Variants in SPTLC3 observed in about 807,000 individuals in gnomAD.
SPTLC3 encodes serine palmitoyltransferase long chain base subunit 3, also known as serine palmitoyltransferase 3.
Under a neutral mutation model 59.3 loss-of-function variants are expected in SPTLC3, and 36 were observed. The observed-to-expected ratio is 0.61, with a 90% confidence interval of 0.47 to 0.80. SPTLC3 has a LOEUF of 0.80. Among genes scored for constraint, SPTLC3 ranks in the 30% least tolerant of loss-of-function variants. The pLI, the probability that SPTLC3 is intolerant of heterozygous loss-of-function variation, is 0.00. For missense variants in SPTLC3, 625 were observed against 685.1 expected, an observed-to-expected ratio of 0.91 and a Z score of 0.98; for synonymous variants, 257 against 240.8, an observed-to-expected ratio of 1.07 and a Z score of -0.62.
chr20:13,115,468 G>A (rs1172667973), intron 7 of SPTLC3, among the ~76,000 whole-genome samples: 1 of 152,138 alleles, frequency 6.6e-6, no homozygotes. Context: ...AAACACTGTG[G>A]GCCATTAACT....
intron 10 of SPTLC3, among the ~76,000 whole-genome samples, chr20:13,158,002 A>G (rs969926641): frequency 2.0e-5 from 3 of 152,294 alleles, no homozygotes; most frequent in Non-Finnish European, 4.4e-5. Flanking sequence ...TTATAACTCT[A>G]CCACTGGAAT....
intron 9 of SPTLC3, among the ~76,000 whole-genome samples, chr20:13,152,628 A>C (rs1380827195): frequency 6.6e-6 from 1 of 152,214 alleles, no homozygotes; most frequent in Non-Finnish European, 1.5e-5. Flanking sequence ...GATCTAAAAG[A>C]AAGACTCAAA....
At chr20:13,075,672 C>T (rs1446386354) in intron 4 of SPTLC3, among the ~76,000 whole-genome samples, 5 of 152,070 alleles carry the variant, frequency 3.3e-5, no homozygotes, top group Non-Finnish European at 5.9e-5. Context: ...ACTGGGTCAC[C>T]GGTGATGCCC....
chr20:13,084,699 T>C (rs1988950452), intron 4 of SPTLC3, among the ~76,000 whole-genome samples: 1 of 152,200 alleles, frequency 6.6e-6, no homozygotes, highest in African/African-American at 2.4e-5. Flanking sequence ...AGCATCACGT[T>C]GGTACCTGTG....
At chr20:13,061,723 TTTG>T (rs369792361) in intron 2 of SPTLC3, among the ~76,000 whole-genome samples, 468 of 152,292 alleles carry the variant, frequency 3.1e-3, no homozygotes, top group African/African-American at 0.01. Context: ...ATACACTGTA[TTTG>T]TTATCAGACT....
intron 4 of SPTLC3, among the ~76,000 whole-genome samples, chr20:13,076,873 AG>A (rs1988665817): frequency 1.3e-5 from 2 of 152,296 alleles, no homozygotes; most frequent in African/African-American, 4.8e-5. Context: ...CCCAGGAGGC[AG>A]GTTCCCGGAG....
At chr20:13,114,914 G>A (rs1990448482) in intron 7 of SPTLC3, among the ~76,000 whole-genome samples, 1 of 152,138 alleles carries the variant, frequency 6.6e-6, no homozygotes, top group Admixed American at 6.5e-5. Flanking sequence ...ACTTAGCTAA[G>A]ACATTATGTA....
chr20:13,009,468 C>G (rs1394242245), intron 1 of SPTLC3, 84 bp downstream of exon 1: 2 of 1,244,478 alleles, frequency 1.6e-6, no homozygotes, highest in African/African-American at 1.5e-5. Flanking sequence ...GCTGTCCTAA[C>G]TTAGAGTTCA....
intron 1 of SPTLC3, among the ~76,000 whole-genome samples, chr20:13,022,243 C>T (rs1205137206): frequency 1.3e-5 from 2 of 152,154 alleles, no homozygotes; most frequent in Non-Finnish European, 2.9e-5. Context: ...CTGACCTTCA[C>T]AGCACATCTA....
rs1280306145 is a variant in SPTLC3, at chr20:13,076,789, C to T, written c.607+2292C>T. ...ATAGGTCCCACCGGGTACCTAGAGCCCACCTCCCTGCTGCAACCACCAAAG... is the reference window on the plus strand; with the variant it reads ...ATAGGTCCCACCGGGTACCTAGAGCTCACCTCCCTGCTGCAACCACCAAAG... On this transcript the variant is annotated intron_variant, in intron 4 of 11. Transcript: ENST00000399002. 3.3e-5 allele frequency among the ~76,000 whole-genome samples: 5 copies of T among 152,068 alleles called. No individual in the cohort carries two copies. The East Asian group carries it at 9.6e-4, about 29-fold the overall frequency.
At chr20:13,011,240 T>C (rs1985227595) in intron 1 of SPTLC3, among the ~76,000 whole-genome samples, 1 of 152,190 alleles carries the variant, frequency 6.6e-6, no homozygotes, top group Non-Finnish European at 1.5e-5. Flanking sequence ...TCAAGTTCCT[T>C]TGCCACCAGT....
intron 4 of SPTLC3, among the ~76,000 whole-genome samples, chr20:13,080,891 T>A (rs764205408): frequency 1.3e-5 from 2 of 152,204 alleles, no homozygotes; most frequent in African/African-American, 4.8e-5. Flanking sequence ...CAAGTATGTT[T>A]CTAACATTCA....
In SPTLC3 at chr20:13,168,084, T is replaced by C. The variant is rs960126337; in HGVS notation, c.*3217T>C. ...TCCAATATTGAAGAACCATCTGCGA[T>C]TCATTTGGGTAAAATTATGCCTTCT... On this transcript the variant is annotated 3_prime_UTR_variant, in exon 12 of 12. Coordinates refer to ENST00000399002, the MANE Select transcript of SPTLC3 (RefSeq NM_018327.4). 1 of 152,308 alleles carries C rather than the reference T, an allele frequency of 6.6e-6. No homozygotes were observed. The highest frequency in any genetic ancestry group is 6.5e-5 in the Admixed American group (1 of 15,294). 9.4% of individuals were successfully genotyped at this position (152,308 alleles called of 1,614,324 possible). A position where few individuals can be genotyped will look rare whatever the true frequency, so the allele number is the denominator to read the frequency against.
Position 13,133,747 on chromosome 20 carries a change from T to C in SPTLC3, c.1279+7030T>C, listed in dbSNP as rs150714560. On this transcript the variant is annotated intron_variant, in intron 9 of 11. Transcript: ENST00000399002. ...AGACCCTGAGCCAGCAGACGAGATA[T>C]GGGGTTTATTTAGGGGAACTTACGT... Among the ~76,000 whole-genome samples the C allele has an allele frequency of 9.3e-4, 141 of 152,108 alleles. 1 individual carries two copies. The highest frequency in any genetic ancestry group is 3.2e-3 in the African/African-American group (131 of 41,500).
At chr20:13,091,291 T>A in intron 5 of SPTLC3, 84 bp downstream of exon 5, 1 of 1,534,396 alleles carries the variant, frequency 6.5e-7, no homozygotes, top group South Asian at 1.2e-5. Context: ...GAAGTATGGC[T>A]GAGATGGGCA....
chr20:13,108,762 G>T (rs1268219547), intron 6 of SPTLC3, among the ~76,000 whole-genome samples: 1 of 152,094 alleles, frequency 6.6e-6, no homozygotes, highest in Admixed American at 6.6e-5. Flanking sequence ...TTTTAGTAGA[G>T]ACTGGGTTTC....
At position 13,091,115 on chromosome 20, in the gene SPTLC3, C is replaced by T. The variant is rs1989198304; in HGVS notation, c.640C>T (p.Leu214Phe). 6.2e-7 allele frequency: 1 copy of T among 1,613,844 alleles called. No individual in the cohort carries two copies. The highest frequency in any genetic ancestry group is 1.7e-5 in the Admixed American group (1 of 59,986). Residue 214 changes from leucine to phenylalanine, a missense_variant, in exon 5 of 12, where the codon CTT becomes TTT. Physicochemically the swap from Leu to Phe is conservative, Grantham distance 22. Transcript: ENST00000399002. ...GGATAAGCACAAGGAGTTGGAGGAC[C>T]TTGTGGCTAAGTTCCTGAATGTGGA... ...TLDKHKELEDLVAKFLNVEAA... is the reference protein window; with the variant it reads ...TLDKHKELEDFVAKFLNVEAA...
At chr20:13,111,982 C>T (rs1355942563) in intron 7 of SPTLC3, among the ~76,000 whole-genome samples, 3 of 152,182 alleles carry the variant, frequency 2.0e-5, no homozygotes, top group Non-Finnish European at 4.4e-5. Flanking sequence ...GACAAGGGAC[C>T]CAGGTGTGGA....
chr20:13,059,839 T>C (rs1488995602), intron 2 of SPTLC3, among the ~76,000 whole-genome samples: 1 of 152,176 alleles, frequency 6.6e-6, no homozygotes, highest in East Asian at 1.9e-4. Flanking sequence ...CTTCTAACCA[T>C]CTTAAATTCC....
Sources: gnomAD v4.1 joint callset for allele counts (sites outside exome capture counted in the v4.1 genomes callset) on GRCh38, gnomAD v4.1.1 for gene constraint, MANE v1.5 for transcripts, NCBI Gene and HGNC (gene_info 2026-07-23, HGNC 2026-07-21) for gene names.